Variants in SORCS2 observed in about 807,000 individuals in gnomAD.
The protein encoded by SORCS2 is sortilin related VPS10 domain containing receptor 2.
A neutral mutation model predicts 141.6 loss-of-function variants in SORCS2; 100 were observed. That is an observed-to-expected ratio of 0.71 (90% CI 0.60 to 0.83). The LOEUF (loss-of-function observed/expected upper bound fraction) is 0.83. Ranked by LOEUF, SORCS2 falls within the 40% of genes least tolerant of loss-of-function variation. The pLI, the probability that SORCS2 is intolerant of heterozygous loss-of-function variation, is 0.00. For missense variants in SORCS2, 1,646 were observed against 1,560.2 expected, an observed-to-expected ratio of 1.05 and a Z score of -0.93; for synonymous variants, 789 against 676.9, an observed-to-expected ratio of 1.17 and a Z score of -2.57.
intron 3 of SORCS2, among the ~76,000 whole-genome samples, chr4:7,581,697 C>A (rs1397889446): frequency 6.6e-6 from 1 of 152,188 alleles, no homozygotes; most frequent in Non-Finnish European, 1.5e-5. Flanking sequence ...CTAGCTACGC[C>A]TCTCAGGTTG....
At chr4:7,688,766 C>A (rs1028003825) in intron 10 of SORCS2, among the ~76,000 whole-genome samples, 1 of 152,146 alleles carries the variant, frequency 6.6e-6, no homozygotes, top group Non-Finnish European at 1.5e-5. Context: ...CTTTTGGCAT[C>A]TGTTGGTTCA....
At chr4:7,293,130 C>G (rs1212661968) in intron 1 of SORCS2, among the ~76,000 whole-genome samples, 3 of 152,142 alleles carry the variant, frequency 2.0e-5, no homozygotes, top group Admixed American at 6.5e-5. Context: ...TGGTGAAACC[C>G]TGTCTCTACT....
chr4:7,460,623 T>C (rs1054529947), intron 2 of SORCS2, among the ~76,000 whole-genome samples: 2 of 152,126 alleles, frequency 1.3e-5, no homozygotes, highest in Non-Finnish European at 2.9e-5. Flanking sequence ...CATGTCGGAA[T>C]TGCATGCCGA....
intron 1 of SORCS2, among the ~76,000 whole-genome samples, chr4:7,321,817 C>T (rs73208469): frequency 0.22 from 33,260 of 152,120 alleles, 4,156 homozygotes; most frequent in Non-Finnish European, 0.29. Flanking sequence ...TCAAGTGCCC[C>T]GTGAGGGGGC....
chr4:7,734,177 G>A, intron 24 of SORCS2, 95 bp from the exon 25 acceptor site: 3 of 877,220 alleles, frequency 3.4e-6, no homozygotes, highest in Non-Finnish European at 5.3e-6. Flanking sequence ...CGGGGGACAG[G>A]CTGGGGACGG....
chr4:7,566,194 G>A (rs1309498833), intron 3 of SORCS2, among the ~76,000 whole-genome samples: 1 of 151,556 alleles, frequency 6.6e-6, no homozygotes, highest in African/African-American at 2.4e-5. Flanking sequence ...ATTGATAATG[G>A]TGATGGTGAT....
At chr4:7,343,539 A>C (rs1274877417) in intron 1 of SORCS2, among the ~76,000 whole-genome samples, 1 of 152,162 alleles carries the variant, frequency 6.6e-6, no homozygotes, top group Admixed American at 6.5e-5. Context: ...CTCCCTCTGC[A>C]CAGAGCCTTG....
chr4:7,375,552 G>A (rs12506114), intron 1 of SORCS2, among the ~76,000 whole-genome samples: 103,489 of 151,402 alleles, frequency 0.68, 35,659 homozygotes, highest in East Asian at 0.94. Flanking sequence ...CGATGCCCGT[G>A]TGCATGGATG....
chr4:7,438,225 A>C (rs2109250584), intron 2 of SORCS2, among the ~76,000 whole-genome samples: 1 of 152,296 alleles, frequency 6.6e-6, no homozygotes, highest in Middle Eastern at 3.4e-3. Flanking sequence ...AGCTGATGGC[A>C]GCTTTGTGTT....
In SORCS2 at chr4:7,458,070, T is replaced by G. The variant is rs573102100; in HGVS notation, c.548+61715T>G. ...TGACCTGGTTGAGTGGGTGCCCAACTCCCCTCAGGGGTGCCATAGGTGACA... is the reference window on the plus strand; with the variant it reads ...TGACCTGGTTGAGTGGGTGCCCAACGCCCCTCAGGGGTGCCATAGGTGACA... On this transcript the variant is annotated intron_variant, in intron 2 of 26. Transcript: ENST00000507866. Among the ~76,000 whole-genome samples, 5 of 152,160 alleles carry G rather than the reference T, an allele frequency of 3.3e-5. No individual in the cohort carries two copies. The South Asian group carries it at 1.0e-3, about 32-fold the overall frequency.
chr4:7,599,358 G>A (rs1717503181), intron 3 of SORCS2, among the ~76,000 whole-genome samples: 1 of 152,176 alleles, frequency 6.6e-6, no homozygotes, highest in South Asian at 2.1e-4. Context: ...TGGCACGGGT[G>A]CTTCTCTGCA....
chr4:7,513,033 T>A (rs561047770), intron 2 of SORCS2, among the ~76,000 whole-genome samples: 1 of 152,252 alleles, frequency 6.6e-6, no homozygotes, highest in South Asian at 2.1e-4. Flanking sequence ...CAAAGGACCA[T>A]AACCACTGCC....
intron 1 of SORCS2, among the ~76,000 whole-genome samples, chr4:7,389,665 G>A (rs530995987): frequency 6.6e-6 from 1 of 152,304 alleles, no homozygotes; most frequent in Admixed American, 6.5e-5. Context: ...GGGTGGTCAG[G>A]GAAGGCTTCT....
chr4:7,554,909 G>T (rs936641980), intron 3 of SORCS2, among the ~76,000 whole-genome samples: 1 of 152,196 alleles, frequency 6.6e-6, no homozygotes, highest in Non-Finnish European at 1.5e-5. Flanking sequence ...GAGTTCTCAG[G>T]AGAGCTGAGG....
In SORCS2 at chr4:7,266,613, A is replaced by C. The variant is rs571882691; in HGVS notation, c.480+73487A>C. Among the ~76,000 whole-genome samples the C allele has an allele frequency of 4.6e-4, 70 of 152,240 alleles. No homozygotes were observed. In the South Asian group the frequency reaches 8.3e-3, roughly 18 times the overall value. On this transcript the variant is annotated intron_variant, in intron 1 of 26. Transcript: ENST00000507866. ...CTGTGAGTCATCCATTCATTCATCA[A>C]GCACTCCGGTGGTTTCCCACAGTGT...
chr4:7,606,766 G>C (rs940066462), intron 3 of SORCS2, among the ~76,000 whole-genome samples: 1 of 152,036 alleles, frequency 6.6e-6, no homozygotes, highest in Non-Finnish European at 1.5e-5. Flanking sequence ...GCAGAGGAGG[G>C]TGGGTGACGA....
chr4:7,731,935 G>A (rs550888439), intron 23 of SORCS2, among the ~76,000 whole-genome samples: 31 of 152,226 alleles, frequency 2.0e-4, no homozygotes, highest in African/African-American at 6.7e-4. Flanking sequence ...TGCAACAAAC[G>A]CAAAAATAGA....
intron 5 of SORCS2, 126 bp downstream of exon 5, chr4:7,654,333 T>C: frequency 1.0e-6 from 1 of 975,392 alleles, no homozygotes; most frequent in Non-Finnish European, 1.5e-6. Context: ...ATCCCGGGGC[T>C]GGGTCCCCAC....
At chr4:7,555,985 T>C (rs1405874850) in intron 3 of SORCS2, among the ~76,000 whole-genome samples, 2 of 152,222 alleles carry the variant, frequency 1.3e-5, no homozygotes, top group East Asian at 1.9e-4. Flanking sequence ...GTAAGAGTCC[T>C]GGAAACAGTG....
Sources: gnomAD v4.1 joint callset for allele counts (sites outside exome capture counted in the v4.1 genomes callset) on GRCh38, gnomAD v4.1.1 for gene constraint, MANE v1.5 for transcripts, NCBI Gene and HGNC (gene_info 2026-07-23, HGNC 2026-07-21) for gene names.